MCC: variants seen among roughly 807,000 people sequenced by gnomAD.
MCC encodes the protein MCC regulator of Wnt signaling pathway.
Under a neutral mutation model 116.2 loss-of-function variants are expected in MCC, and 90 were observed. That is an observed-to-expected ratio of 0.77 (90% CI 0.65 to 0.92). MCC has a LOEUF of 0.92. Among genes scored for constraint, MCC ranks in the 40% least tolerant of loss-of-function variants. MCC has a pLI of 0.00. For synonymous variants in MCC, 578 were observed against 510.5 expected, an observed-to-expected ratio of 1.13 and a Z score of -1.78; for missense variants, 1,516 against 1,312.2, an observed-to-expected ratio of 1.16 and a Z score of -2.40.
chr5:113,240,176 A>G (rs1054996262), intron 3 of MCC, among the ~76,000 whole-genome samples: 2 of 152,140 alleles, frequency 1.3e-5, no homozygotes, highest in African/African-American at 4.8e-5. Context: ...TGCATAGGGA[A>G]GGACAGTCAG....
At position 113,068,118 on chromosome 5, in the gene MCC, A is replaced by G. The variant is rs2150232244; in HGVS notation, c.1991T>C (p.Leu664Pro). Residue 664 changes from leucine to proline, a missense_variant, in exon 13 of 19, where the codon CTG becomes CCG. Leu to Pro is a moderately conservative substitution (Grantham distance 98). Coordinates refer to ENST00000408903, the MANE Select transcript of MCC (RefSeq NM_001085377.2). ...CACGCCCGCCGCTCGGAACTGCCCC[A>G]GGATGAGGCTCTGCTCACTCTCTGC... is the stretch of plus-strand genomic sequence containing the variant. ...ALAESEQSLI[L>P]GQFRAAGVGS... is the part of the protein sequence containing the mutation. 1 of 1,614,222 alleles carries G rather than the reference A, an allele frequency of 6.2e-7. No individual in the cohort carries two copies. Among genetic ancestry groups the G allele is most frequent in the East Asian group, 2.2e-5 (1 of 44,876 alleles).
At chr5:113,143,959 A>G (rs539726360) in intron 4 of MCC, among the ~76,000 whole-genome samples, 18 of 152,292 alleles carry the variant, frequency 1.2e-4, no homozygotes, top group East Asian at 3.9e-4. Context: ...TTATCTGCAA[A>G]TTTAATGCTT....
At chr5:113,075,773 T>C (rs1213542584) in intron 11 of MCC, among the ~76,000 whole-genome samples, 2 of 152,182 alleles carry the variant, frequency 1.3e-5, no homozygotes, top group Non-Finnish European at 2.9e-5. Context: ...GTGGAAGCTT[T>C]GTTCTCTTGC....
chr5:113,084,170 T>C lies in MCC; in HGVS notation c.1566A>G (p.Leu522=), dbSNP rs747678738. ...ATGACGATTCGGACCTTGTCTTTGATAGCTTCACCCTCTCAGCAATCTTAA... is the reference window on the plus strand; with the variant it reads ...ATGACGATTCGGACCTTGTCTTTGACAGCTTCACCCTCTCAGCAATCTTAA... ...PIAKIAERVK[L]SKTRSESSSS... is the part of the protein sequence containing the mutation. The change falls in exon 10 of 19, where the codon CTA becomes CTG. Residue 522 remains leucine (L), a synonymous_variant. Transcript: ENST00000408903. The C allele has an allele frequency of 1.5e-5, 24 of 1,614,088 alleles. No homozygotes were observed. In the East Asian group the frequency reaches 4.0e-4, roughly 27 times the overall value.
At chr5:113,387,775 T>A (rs535956704) in intron 1 of MCC, among the ~76,000 whole-genome samples, 1 of 152,274 alleles carries the variant, frequency 6.6e-6, no homozygotes, top group African/African-American at 2.4e-5. Flanking sequence ...TGAAAAGAAA[T>A]GAAATAATAC....
chr5:113,149,611 T>C (rs995582584), intron 4 of MCC, among the ~76,000 whole-genome samples: 2 of 152,066 alleles, frequency 1.3e-5, no homozygotes, highest in Non-Finnish European at 2.9e-5. Flanking sequence ...TTATGAGACA[T>C]GAAAGTTTCC....
At chr5:113,197,882 A>C (rs924455949) in intron 3 of MCC, among the ~76,000 whole-genome samples, 1 of 152,208 alleles carries the variant, frequency 6.6e-6, no homozygotes, top group Non-Finnish European at 1.5e-5. Context: ...GCGTTCCGTA[A>C]ACCCAGGCAG....
intron 3 of MCC, among the ~76,000 whole-genome samples, chr5:113,178,440 G>A (rs1414824368): frequency 6.6e-6 from 1 of 152,146 alleles, no homozygotes; most frequent in East Asian, 1.9e-4. Flanking sequence ...AAGGGTAGAT[G>A]GGGGATTGCC....
chr5:113,306,571 G>A (rs1452102834), intron 3 of MCC, among the ~76,000 whole-genome samples: 1 of 152,070 alleles, frequency 6.6e-6, no homozygotes, highest in Non-Finnish European at 1.5e-5. Flanking sequence ...AAATTGGGTT[G>A]TCTTTTTATT....
intron 5 of MCC, among the ~76,000 whole-genome samples, chr5:113,140,766 G>A (rs1020370640): frequency 1.3e-5 from 2 of 152,134 alleles, no homozygotes; most frequent in Non-Finnish European, 1.5e-5. Context: ...AGTCTACAAT[G>A]GTACCACCAC....
chr5:113,089,558 TAGACC>T (rs1755451031), intron 8 of MCC, among the ~76,000 whole-genome samples: 1 of 152,216 alleles, frequency 6.6e-6, no homozygotes, highest in African/African-American at 2.4e-5. Context: ...AAATACACTC[TAGACC>T]AGTACTATCC....
At chr5:113,132,368 G>A (rs1758483464) in intron 5 of MCC, among the ~76,000 whole-genome samples, 1 of 126,956 alleles carries the variant, frequency 7.9e-6, no homozygotes, top group Non-Finnish European at 1.6e-5. Flanking sequence ...ATGTGTGTGT[G>A]TGTGTATATA....
rs190449151 is a variant in MCC, at chr5:113,132,311, C to A, written c.885-9485G>T. Among the ~76,000 whole-genome samples the A allele has an allele frequency of 5.0e-3, 752 of 149,558 alleles. 1 individual carries two copies. The highest frequency in any genetic ancestry group is 0.014 in the Middle Eastern group (4 of 290). Reference sequence around the variant, plus strand: ...ATGAGTTTCACCAGTACCAACTCACCCTATATGAAATAATAGGAGAAAATA... The same window carrying A: ...ATGAGTTTCACCAGTACCAACTCACACTATATGAAATAATAGGAGAAAATA... On this transcript the variant is annotated intron_variant, in intron 5 of 18. Coordinates refer to ENST00000408903, the MANE Select transcript of MCC (RefSeq NM_001085377.2).
rs182631244 is a variant in MCC, at chr5:113,190,937, G to A, written c.628-39515C>T. 9.3e-3 allele frequency among the ~76,000 whole-genome samples: 1,416 copies of A among 152,332 alleles called. 14 individuals carry two copies. Among genetic ancestry groups the A allele is most frequent in the Middle Eastern group, 0.014 (4 of 294 alleles). On this transcript the variant is annotated intron_variant, in intron 3 of 18. Coordinates refer to ENST00000408903, the MANE Select transcript of MCC (RefSeq NM_001085377.2). ...GACCAAGGCAAGTACTCTGAAGTGG[G>A]CAAGGAAGATGGAGTGGAGGGCAGA...
intron 3 of MCC, among the ~76,000 whole-genome samples, chr5:113,153,111 G>T (rs1759976181): frequency 6.6e-6 from 1 of 152,162 alleles, no homozygotes; most frequent in Non-Finnish European, 1.5e-5. Flanking sequence ...TGACACTGTG[G>T]CATGTTACGC....
chr5:113,452,039 G>A (rs1259340342), intron 1 of MCC, among the ~76,000 whole-genome samples: 1 of 152,312 alleles, frequency 6.6e-6, no homozygotes, highest in Admixed American at 6.5e-5. Context: ...TCCTCCACAT[G>A]TCCCGTCAAT....
intron 16 of MCC, among the ~76,000 whole-genome samples, chr5:113,048,386 G>A (rs975364697): frequency 3.9e-5 from 6 of 152,116 alleles, no homozygotes; most frequent in African/African-American, 1.2e-4. Context: ...CCTGAGTTGC[G>A]AATCATTCCT....
intron 3 of MCC, among the ~76,000 whole-genome samples, chr5:113,233,633 T>C (rs1459794634): frequency 6.6e-6 from 1 of 151,982 alleles, no homozygotes; most frequent in Non-Finnish European, 1.5e-5. Context: ...CTCTCTCCTC[T>C]CTCTCACTGT....
At position 113,280,222 on chromosome 5, in the gene MCC, G is replaced by A. The variant is rs1285666723; in HGVS notation, c.627+60297C>T. Among the ~76,000 whole-genome samples, 4 of 152,192 alleles carry A rather than the reference G, an allele frequency of 2.6e-5. No homozygotes were observed. In the East Asian group the frequency reaches 7.7e-4, roughly 29 times the overall value. ...TTTGCCTTCAGAAGTAGATAGAGGC[G>A]AGCTGTAGCCCAGATCCTTTTTCAT... On this transcript the variant is annotated intron_variant, in intron 3 of 18. Transcript: ENST00000408903.
Sources: gnomAD v4.1 joint callset for allele counts (sites outside exome capture counted in the v4.1 genomes callset) on GRCh38, gnomAD v4.1.1 for gene constraint, MANE v1.5 for transcripts, NCBI Gene and HGNC (gene_info 2026-07-23, HGNC 2026-07-21) for gene names.